The following EYS variants were observed in gnomAD, a reference collection of about 807,000 sequenced individuals.
EYS encodes the protein EGF-like photoreceptor maintenance factor.
A neutral mutation model predicts 282.1 loss-of-function variants in EYS; 250 were observed. That is an observed-to-expected ratio of 0.89 (90% confidence interval 0.80 to 0.98). The LOEUF is 0.98. Among genes scored for constraint, EYS ranks in the 50% least tolerant of loss-of-function variants. EYS has a pLI of 0.00. For synonymous variants in EYS, 1,355 were observed against 1,282.9 expected (o/e 1.06, Z -1.20); for missense variants, 4,016 against 3,709.0 (o/e 1.08, Z -2.15).
chr6:64,429,671 C>T (rs993801257), intron 28 of EYS, among the ~76,000 whole-genome samples: 1 of 152,088 alleles, frequency 6.6e-6, no homozygotes, highest in South Asian at 2.1e-4. Context: ...TGGTTAATTT[C>T]TATTCTAATT....
At chr6:64,137,013 C>T (rs1039392973) in intron 31 of EYS, among the ~76,000 whole-genome samples, 6 of 152,130 alleles carry the variant, frequency 3.9e-5, no homozygotes, top group African/African-American at 1.4e-4. Context: ...CATTGAAAAT[C>T]CATTGTTTAG....
intron 1 of EYS, among the ~76,000 whole-genome samples, chr6:65,692,565 A>C (rs1769282739): frequency 6.7e-6 from 1 of 150,282 alleles, no homozygotes; most frequent in South Asian, 2.1e-4. Context: ...TGATATTATA[A>C]TTGTAAAAGA....
intron 12 of EYS, among the ~76,000 whole-genome samples, chr6:65,212,592 A>G (rs1337585207): frequency 6.6e-6 from 1 of 152,136 alleles, no homozygotes; most frequent in African/African-American, 2.4e-5. Context: ...TCACATTTCA[A>G]GGGCTTAATA....
At chr6:64,155,135 C>T (rs1005587020) in intron 31 of EYS, among the ~76,000 whole-genome samples, 7 of 152,248 alleles carry the variant, frequency 4.6e-5, no homozygotes, top group African/African-American at 9.6e-5. Context: ...GAAGGATAAA[C>T]TTAACCTGCT....
At chr6:65,475,717 A>G (rs1007590827) in intron 5 of EYS, among the ~76,000 whole-genome samples, 7 of 151,632 alleles carry the variant, frequency 4.6e-5, no homozygotes, top group African/African-American at 1.5e-4. Flanking sequence ...TACTCATTTT[A>G]TAAATTTTTG....
At chr6:63,963,932 T>C (rs1437677253) in intron 35 of EYS, among the ~76,000 whole-genome samples, 1 of 152,176 alleles carries the variant, frequency 6.6e-6, no homozygotes, top group East Asian at 1.9e-4. Flanking sequence ...TAGCAGGAAT[T>C]TTCAAACACT....
chr6:65,291,523 A>G (rs534514593), intron 12 of EYS, among the ~76,000 whole-genome samples: 2 of 151,748 alleles, frequency 1.3e-5, no homozygotes, highest in African/African-American at 4.8e-5. Flanking sequence ...GTCAACATTC[A>G]TGTGTTATTT....
At chr6:64,678,709 GC>G (rs1204857382) in intron 22 of EYS, among the ~76,000 whole-genome samples, 6 of 152,084 alleles carry the variant, frequency 3.9e-5, no homozygotes, top group African/African-American at 1.4e-4. Flanking sequence ...TTTGAGGCCT[GC>G]ACAGTGGCTC....
intron 2 of EYS, among the ~76,000 whole-genome samples, chr6:65,543,483 A>G (rs1562250250): frequency 6.7e-6 from 1 of 148,398 alleles, no homozygotes; most frequent in Non-Finnish European, 1.5e-5. Flanking sequence ...GTGTGTATAT[A>G]TCTATATATA....
chr6:65,343,534 C>T (rs1303578381), intron 10 of EYS, among the ~76,000 whole-genome samples: 1 of 151,004 alleles, frequency 6.6e-6, no homozygotes, highest in Non-Finnish European at 1.5e-5. Context: ...AAAAGGAGGG[C>T]CTCTCTTTTA....
chr6:64,958,680 A>C (rs1769804742), intron 14 of EYS, among the ~76,000 whole-genome samples: 1 of 131,718 alleles, frequency 7.6e-6, no homozygotes, highest in South Asian at 2.6e-4. Context: ...GCTTGCAGTG[A>C]GCGGAGATCG....
At chr6:63,996,817 A>G (rs1767858551) in intron 34 of EYS, among the ~76,000 whole-genome samples, 1 of 152,182 alleles carries the variant, frequency 6.6e-6, no homozygotes, top group Non-Finnish European at 1.5e-5. Context: ...TGTCTGGAAC[A>G]TAGTATTACA....
At chr6:65,383,572 CA>C (rs1378963804) in intron 8 of EYS, among the ~76,000 whole-genome samples, 2 of 150,320 alleles carry the variant, frequency 1.3e-5, no homozygotes, top group African/African-American at 2.4e-5. Context: ...TCTTATTTCT[CA>C]AAAAAATTAT....
chr6:64,579,080 C>T (rs571110192), intron 26 of EYS, among the ~76,000 whole-genome samples: 3 of 152,160 alleles, frequency 2.0e-5, no homozygotes, highest in East Asian at 1.9e-4. Flanking sequence ...TCTCCTCATT[C>T]GCAGAATTAG....
chr6:65,560,530 G>A (rs773525299), intron 2 of EYS, among the ~76,000 whole-genome samples: 8 of 150,050 alleles, frequency 5.3e-5, no homozygotes, highest in African/African-American at 7.3e-5. Flanking sequence ...TGTGGTGTAC[G>A]TGTGTGTATT....
At chr6:63,889,099 T>C (rs553016770) in intron 35 of EYS, among the ~76,000 whole-genome samples, 6 of 152,068 alleles carry the variant, frequency 3.9e-5, no homozygotes, top group Admixed American at 3.9e-4. Context: ...GAAAAAAGAA[T>C]GGAAAGGAAT....
chr6:65,688,032 C>T (rs562086655), intron 1 of EYS, among the ~76,000 whole-genome samples: 1 of 152,120 alleles, frequency 6.6e-6, no homozygotes, highest in East Asian at 1.9e-4. Context: ...GATCCAATGC[C>T]TCCCCATCAA....
chr6:64,908,554 C>A (rs1381378764), intron 16 of EYS, among the ~76,000 whole-genome samples: 1 of 151,788 alleles, frequency 6.6e-6, no homozygotes, highest in Admixed American at 6.6e-5. Flanking sequence ...AGAATGAGGT[C>A]ATGCAGATGA....
intron 7 of EYS, among the ~76,000 whole-genome samples, chr6:65,398,142 A>G (rs1212198170): frequency 6.6e-6 from 1 of 151,944 alleles, no homozygotes; most frequent in Non-Finnish European, 1.5e-5. Flanking sequence ...AGTTTCTTGT[A>G]GATTCTGAAT....
Sources: allele counts gnomAD v4.1 joint callset (sites outside exome capture counted in the v4.1 genomes callset), GRCh38; gene constraint gnomAD v4.1.1; transcripts MANE v1.5; gene names NCBI Gene and HGNC (gene_info 2026-07-23, HGNC 2026-07-21).